Variants in ZEB1 observed in about 807,000 individuals in gnomAD.
ZEB1 encodes the protein zinc finger E-box binding homeobox 1.
In ZEB1, 21 loss-of-function variants were observed where a neutral mutation model predicts 84.9. That is an observed-to-expected ratio of 0.25 (90% CI 0.18 to 0.36). The LOEUF (loss-of-function observed/expected upper bound fraction) is 0.36. Ranked by LOEUF, ZEB1 falls within the 10% of genes least tolerant of loss-of-function variation. The pLI, the probability that ZEB1 is intolerant of heterozygous loss-of-function variation, is 1.00. For synonymous variants in ZEB1, 420 were observed against 471.1 expected, an observed-to-expected ratio of 0.89 and a Z score of 1.41; for missense variants, 1,104 against 1,330.2, an observed-to-expected ratio of 0.83 and a Z score of 2.65.
At chr10:31,451,106 T>G (rs2060512340) in intron 1 of ZEB1, among the ~76,000 whole-genome samples, 1 of 152,208 alleles carries the variant, frequency 6.6e-6, no homozygotes, top group Non-Finnish European at 1.5e-5. Context: ...CTTCCTAAAT[T>G]TATTCTATGA....
chr10:31,410,241 G>A (rs747473436), intron 1 of ZEB1, among the ~76,000 whole-genome samples: 9 of 152,138 alleles, frequency 5.9e-5, no homozygotes, highest in Non-Finnish European at 1.2e-4. Flanking sequence ...TTTATCAAAA[G>A]CCTTTTCTGC....
chr10:31,423,046 A>G (rs1274427911), intron 1 of ZEB1, among the ~76,000 whole-genome samples: 8 of 151,968 alleles, frequency 5.3e-5, no homozygotes, highest in Admixed American at 5.3e-4. Flanking sequence ...GTGTGTGTAT[A>G]TATATATACA....
At chr10:31,465,529 A>ACTTTT (rs1376514441) in intron 2 of ZEB1, among the ~76,000 whole-genome samples, 1 of 151,960 alleles carries the variant, frequency 6.6e-6, no homozygotes, top group Non-Finnish European at 1.5e-5. Flanking sequence ...TTTTCAGAAA[A>ACTTTT]CAATAAAATG....
chr10:31,397,020 T>A (rs979321019), intron 1 of ZEB1, among the ~76,000 whole-genome samples: 16 of 145,190 alleles, frequency 1.1e-4, no homozygotes, highest in African/African-American at 4.0e-4. Flanking sequence ...ATTATTATTA[T>A]TTTTTTTTTT....
rs911030499 is a variant in ZEB1, at chr10:31,379,576, A to G, written c.58+60284A>G. Among the ~76,000 whole-genome samples, 18 of 152,194 alleles carry G rather than the reference A, an allele frequency of 1.2e-4. No individual in the cohort carries two copies. The South Asian group carries it at 2.7e-3, about 23-fold the overall frequency. ...GGGTCAATCTGTGCCAGTCACACAC[A>G]GGGCAGTCTGCCGTATCTTTTGCAT... On this transcript the variant is annotated intron_variant, in intron 1 of 8. Transcript: ENST00000424869.
intron 1 of ZEB1, among the ~76,000 whole-genome samples, chr10:31,367,948 ATATAC>A (rs1365896272): frequency 6.7e-6 from 1 of 150,114 alleles, no homozygotes; most frequent in Non-Finnish European, 1.5e-5. Context: ...GTGCTTTATT[ATATAC>A]TATATATATA....
intron 1 of ZEB1, among the ~76,000 whole-genome samples, chr10:31,419,746 G>C (rs1288180372): frequency 6.6e-6 from 1 of 152,186 alleles, no homozygotes; most frequent in Admixed American, 6.5e-5. Context: ...ATCTTGCCAA[G>C]GGTGAAAACA....
At chr10:31,460,928 A>C in intron 1 of ZEB1, 109 bp from the exon 2 acceptor site, 1 of 910,504 alleles carries the variant, frequency 1.1e-6, no homozygotes, top group Non-Finnish European at 1.7e-6. Flanking sequence ...ATTTAAAAGA[A>C]AACATTGAAT....
intron 1 of ZEB1, among the ~76,000 whole-genome samples, chr10:31,341,270 A>G (rs2039305742): frequency 6.6e-6 from 1 of 152,164 alleles, no homozygotes; most frequent in Non-Finnish European, 1.5e-5. Context: ...GACACTTAAT[A>G]GAAATGGAGA....
chr10:31,334,291 G>A (rs1273093904), intron 1 of ZEB1, among the ~76,000 whole-genome samples: 1 of 151,932 alleles, frequency 6.6e-6, no homozygotes, highest in East Asian at 1.9e-4. Flanking sequence ...AAATTTCAGT[G>A]GATTGGCATC....
chr10:31,340,646 G>A (rs1277804901), intron 1 of ZEB1, among the ~76,000 whole-genome samples: 1 of 152,148 alleles, frequency 6.6e-6, no homozygotes, highest in African/African-American at 2.4e-5. Flanking sequence ...TAAAGCTGTG[G>A]TCTATACTTA....
At chr10:31,516,471 C>A (rs2071121285) in intron 6 of ZEB1, among the ~76,000 whole-genome samples, 1 of 132,078 alleles carries the variant, frequency 7.6e-6, no homozygotes, top group Non-Finnish European at 1.6e-5. Flanking sequence ...GGAAGTGGAC[C>A]ACAAATTAAG....
rs188104116 is a variant in ZEB1, at chr10:31,345,815, A to G, written c.58+26523A>G. Among the ~76,000 whole-genome samples the G allele has an allele frequency of 1.5e-3, 235 of 152,316 alleles. 1 individual carries two copies. The highest frequency in any genetic ancestry group is 4.7e-3 in the African/African-American group (196 of 41,574). ...AGAAAACTTTTCTGTGCAGATTGTC[A>G]GAAAAAGGTGAAAATATTTTCTTTT... On this transcript the variant is annotated intron_variant, in intron 1 of 8. Transcript: ENST00000424869.
At chr10:31,442,430 G>A (rs1272958828) in intron 1 of ZEB1, among the ~76,000 whole-genome samples, 2 of 151,990 alleles carry the variant, frequency 1.3e-5, no homozygotes, top group African/African-American at 2.4e-5. Context: ...AGGGGGGAGG[G>A]ATAGCGTTAG....
At chr10:31,460,225 G>A (rs1407619031) in intron 1 of ZEB1, among the ~76,000 whole-genome samples, 1 of 151,736 alleles carries the variant, frequency 6.6e-6, no homozygotes, top group Non-Finnish European at 1.5e-5. Context: ...CTGGTTCTAT[G>A]AACTATAGAA....
At chr10:31,381,894 T>G (rs1187020022) in intron 1 of ZEB1, 1 of 150,036 alleles carries the variant, frequency 6.7e-6, no homozygotes, top group Non-Finnish European at 1.5e-5. Flanking sequence ...GCCTGTAGTC[T>G]CAGCTACTCG....
rs2071977705 is a variant in ZEB1 at position 31,520,084 on chromosome 10, G to A, written c.794-42G>A. ...AATGAGGATACATAAAAATTTATAT[G>A]TAATAATTCAGTGAATATAATTTGT... is the stretch of plus-strand genomic sequence containing the variant. On this transcript the variant is annotated intron_variant, in intron 6 of 8. Transcript: ENST00000424869. This position sits in a 1 kb window ranked among gnomAD's most constrained non-coding sequence, Gnocchi z 5.1. 6.2e-7 allele frequency: 1 copy of A among 1,602,932 alleles called. No individual in the cohort carries two copies. The highest frequency in any genetic ancestry group is 8.5e-7 in the Non-Finnish European group (1 of 1,175,962).
At chr10:31,338,765 C>CAGG (rs1372321274) in intron 1 of ZEB1, among the ~76,000 whole-genome samples, 3 of 152,116 alleles carry the variant, frequency 2.0e-5, no homozygotes, top group African/African-American at 7.2e-5. Context: ...GATTGCAGAT[C>CAGG]TACCCGTAAT....
At chr10:31,322,635 C>A (rs2034422566) in intron 1 of ZEB1, among the ~76,000 whole-genome samples, 1 of 152,128 alleles carries the variant, frequency 6.6e-6, no homozygotes, top group South Asian at 2.1e-4. Context: ...AAAGGAGTGA[C>A]ATTAGAATTG....
Sources: gnomAD v4.1 joint callset for allele counts (sites outside exome capture counted in the v4.1 genomes callset) on GRCh38, gnomAD v4.1.1 for gene constraint, Gnocchi (gnomAD v3.1) non-coding constraint, MANE v1.5 for transcripts, NCBI Gene and HGNC (gene_info 2026-07-23, HGNC 2026-07-21) for gene names.